Variants in ARHGAP31 observed in about 807,000 individuals in gnomAD.
ARHGAP31 encodes rho GTPase-activating protein 31.
In ARHGAP31, 34 loss-of-function variants were observed where a neutral mutation model predicts 113.9. That is an observed-to-expected ratio of 0.30 (90% CI 0.23 to 0.40). The LOEUF is 0.40. Among genes scored for constraint, ARHGAP31 ranks in the 10% least tolerant of loss-of-function variants. The probability of loss-of-function intolerance (pLI) is 1.00; values close to 1 mark genes in which losing one functional copy is unlikely to be tolerated. For missense variants in ARHGAP31, 1,548 were observed against 1,767.1 expected (o/e 0.88, Z 2.22); for synonymous variants, 650 against 684.8 (o/e 0.95, Z 0.79).
intron 2 of ARHGAP31, among the ~76,000 whole-genome samples, chr3:119,366,260 T>C (rs1170819861): frequency 6.6e-6 from 1 of 150,992 alleles, no homozygotes; most frequent in Non-Finnish European, 1.5e-5. Flanking sequence ...TCTTTAGTTA[T>C]AAATGTAGGC....
intron 1 of ARHGAP31, among the ~76,000 whole-genome samples, chr3:119,305,824 C>T (rs1326718999): frequency 6.6e-6 from 1 of 152,194 alleles, no homozygotes; most frequent in Non-Finnish European, 1.5e-5. Context: ...GTTGGGGGCC[C>T]TCTGAGGCTG....
At chr3:119,352,635 T>C (rs2080119915) in intron 1 of ARHGAP31, among the ~76,000 whole-genome samples, 1 of 152,152 alleles carries the variant, frequency 6.6e-6, no homozygotes, top group African/African-American at 2.4e-5. Context: ...CACAAAAGCC[T>C]ATTTCTTTGA....
intron 1 of ARHGAP31, among the ~76,000 whole-genome samples, chr3:119,348,266 T>A (rs1203908996): frequency 3.9e-5 from 6 of 152,236 alleles, no homozygotes; most frequent in African/African-American, 1.4e-4. Context: ...CATATTACAA[T>A]GTAATAATAA....
At chr3:119,348,898 A>G (rs2080086560) in intron 1 of ARHGAP31, among the ~76,000 whole-genome samples, 1 of 152,198 alleles carries the variant, frequency 6.6e-6, no homozygotes, top group South Asian at 2.1e-4. Flanking sequence ...AGGTATAACA[A>G]CTGTGAGTGA....
chr3:119,301,896 A>G (rs1228250738), intron 1 of ARHGAP31, among the ~76,000 whole-genome samples: 1 of 152,178 alleles, frequency 6.6e-6, no homozygotes, highest in Non-Finnish European at 1.5e-5. Context: ...AACAGACCAC[A>G]CTTGCTCTGA....
In ARHGAP31 at chr3:119,401,816, T is replaced by A; in HGVS notation, c.1070-6T>A. 1 of 1,613,814 alleles carries A rather than the reference T, an allele frequency of 6.2e-7. No individual in the cohort carries two copies. The highest frequency in any genetic ancestry group is 8.5e-7 in the Non-Finnish European group (1 of 1,179,938). On this transcript the variant is annotated splice_polypyrimidine_tract_variant and splice_region_variant and intron_variant, in intron 9 of 11. Transcript: ENST00000264245. The stretch of plus-strand genomic sequence containing the variant: ...TGCTGACCATACACTTGTTCCTTTT[T>A]ACTAGGAAAAGAAACCAAGGGAAAT...
rs369200756 is a variant in ARHGAP31 at position 119,371,274 on chromosome 3, G to T, written c.348+2758G>T. Among the ~76,000 whole-genome samples, 9 of 152,208 alleles carry T rather than the reference G, an allele frequency of 5.9e-5. No homozygotes were observed. The East Asian group carries it at 1.2e-3, about 20-fold the overall frequency. On this transcript the variant is annotated intron_variant, in intron 3 of 11. Coordinates refer to ENST00000264245, the MANE Select transcript of ARHGAP31 (RefSeq NM_020754.4). ...ATTTCTCCTTAGCCCTTGTCTACAG[G>T]CTCAGAATGAAACCTGTATTTATCT...
At chr3:119,386,264 A>T (rs2080447035) in intron 6 of ARHGAP31, among the ~76,000 whole-genome samples, 1 of 131,908 alleles carries the variant, frequency 7.6e-6, no homozygotes, top group Non-Finnish European at 1.7e-5. Flanking sequence ...GGGCTGCTAT[A>T]AAAAAAATAC....
At chr3:119,393,640 C>G in intron 8 of ARHGAP31, 49 bp downstream of exon 8, 1 of 1,608,128 alleles carries the variant, frequency 6.2e-7, no homozygotes, top group Non-Finnish European at 8.5e-7. Context: ...TGTTTCCTAA[C>G]TCTGCTTATT....
chr3:119,359,762 C>T (rs945651431), intron 1 of ARHGAP31, among the ~76,000 whole-genome samples: 1 of 152,142 alleles, frequency 6.6e-6, no homozygotes, highest in Admixed American at 6.5e-5. Context: ...AAGTTCTGTA[C>T]TCACAACCCA....
At chr3:119,312,824 G>A (rs116693449) in intron 1 of ARHGAP31, among the ~76,000 whole-genome samples, 248 of 152,268 alleles carry the variant, frequency 1.6e-3, no homozygotes, top group African/African-American at 5.8e-3. Context: ...ACTTGAATGT[G>A]GCTGGTGCTA....
intron 7 of ARHGAP31, among the ~76,000 whole-genome samples, chr3:119,391,648 C>T (rs1339640751): frequency 8.2e-6 from 1 of 122,288 alleles, no homozygotes; most frequent in African/African-American, 3.2e-5. Flanking sequence ...GGGGATTGAA[C>T]AGGAGTCCTA....
chr3:119,337,331 G>A (rs9835407), intron 1 of ARHGAP31, among the ~76,000 whole-genome samples: 22,447 of 151,964 alleles, frequency 0.15, 2,808 homozygotes, highest in African/African-American at 0.34. Context: ...AAGTTGGCGC[G>A]TCCAGAGTTG....
chr3:119,300,123 C>A (rs977115708), intron 1 of ARHGAP31, among the ~76,000 whole-genome samples: 1 of 152,230 alleles, frequency 6.6e-6, no homozygotes, highest in Non-Finnish European at 1.5e-5. Context: ...TTGTTCCCAG[C>A]TGAGTGACCC....
At chr3:119,383,352 C>T in intron 6 of ARHGAP31, 126 bp downstream of exon 6, 1 of 1,230,494 alleles carries the variant, frequency 8.1e-7, no homozygotes, top group Non-Finnish European at 1.2e-6. Flanking sequence ...TGTATGCTGA[C>T]TACTGTGTGT....
intron 9 of ARHGAP31, among the ~76,000 whole-genome samples, chr3:119,400,106 C>T (rs1032945961): frequency 3.3e-5 from 5 of 152,294 alleles, no homozygotes; most frequent in Non-Finnish European, 7.4e-5. Flanking sequence ...CAAAACAATA[C>T]AGAAAATCTT....
At chr3:119,331,100 GT>G (rs2107607092) in intron 1 of ARHGAP31, among the ~76,000 whole-genome samples, 1 of 152,230 alleles carries the variant, frequency 6.6e-6, no homozygotes, top group South Asian at 2.1e-4. Context: ...TGCTGACATG[GT>G]TCAAATGTCC....
At chr3:119,391,535 T>C (rs1398890585) in intron 7 of ARHGAP31, among the ~76,000 whole-genome samples, 2 of 151,914 alleles carry the variant, frequency 1.3e-5, no homozygotes. Flanking sequence ...ATTGGTAGAA[T>C]ATTTTCTTTC....
chr3:119,361,287 A>G (rs1381811587), intron 1 of ARHGAP31, among the ~76,000 whole-genome samples: 1 of 151,872 alleles, frequency 6.6e-6, no homozygotes, highest in African/African-American at 2.4e-5. Context: ...GAATTGCAAT[A>G]TGCATATCAG....
Sources: allele counts gnomAD v4.1 joint callset (sites outside exome capture counted in the v4.1 genomes callset), GRCh38; gene constraint gnomAD v4.1.1; transcripts MANE v1.5; gene names NCBI Gene and HGNC (gene_info 2026-07-23, HGNC 2026-07-21).